The following OLFM3 variants were observed in gnomAD, a reference collection of about 807,000 sequenced individuals.
OLFM3 encodes the protein noelin-3.
In OLFM3, 20 loss-of-function variants were observed where a neutral mutation model predicts 48.6. The observed-to-expected ratio is 0.41, with a 90% CI of 0.29 to 0.60. The LOEUF (loss-of-function observed/expected upper bound fraction) is 0.60, where lower values mean the gene tolerates loss of function less well. OLFM3 is among the 20% of genes least tolerant of loss of function. The probability of loss-of-function intolerance (pLI) is 0.28; values close to 1 mark genes in which losing one functional copy is unlikely to be tolerated. For missense variants in OLFM3, 437 were observed against 544.3 expected, an observed-to-expected ratio of 0.80 and a Z score of 1.96; for synonymous variants, 222 against 198.1, an observed-to-expected ratio of 1.12 and a Z score of -1.01.
At chr1:101,813,102 C>A in intron 4 of OLFM3, 1 of 1,289,920 alleles carries the variant, frequency 7.8e-7, no homozygotes. Flanking sequence ...TATGCTTCTC[C>A]TTTCTGTTGC....
intron 1 of OLFM3, among the ~76,000 whole-genome samples, chr1:101,979,852 A>G (rs1661057394): frequency 6.6e-6 from 1 of 152,348 alleles, no homozygotes; most frequent in Non-Finnish European, 1.5e-5. Context: ...CAGGCACTCA[A>G]TGCCAGCCCA....
At chr1:101,871,850 G>C (rs987820781) in intron 1 of OLFM3, among the ~76,000 whole-genome samples, 4 of 151,998 alleles carry the variant, frequency 2.6e-5, no homozygotes, top group African/African-American at 9.7e-5. Context: ...TAAAACATAT[G>C]TATTTTAGCT....
chr1:101,887,947 T>C (rs140386245), intron 1 of OLFM3, among the ~76,000 whole-genome samples: 33 of 152,258 alleles, frequency 2.2e-4, no homozygotes, highest in African/African-American at 7.9e-4. Flanking sequence ...TCAAATTGTG[T>C]AGTATTATAG....
chr1:101,944,400 A>G (rs530689748), intron 1 of OLFM3, among the ~76,000 whole-genome samples: 1 of 152,300 alleles, frequency 6.6e-6, no homozygotes, highest in Non-Finnish European at 1.5e-5. Flanking sequence ...GGAAAGATAA[A>G]GGAAAGAGCC....
At chr1:101,855,288 T>C (rs1656370701) in intron 1 of OLFM3, among the ~76,000 whole-genome samples, 1 of 152,050 alleles carries the variant, frequency 6.6e-6, no homozygotes, top group Non-Finnish European at 1.5e-5. Flanking sequence ...GTAGTATTGC[T>C]ATCGTAACCA....
chr1:101,886,386 A>G (rs1323929663), intron 1 of OLFM3, among the ~76,000 whole-genome samples: 2 of 152,112 alleles, frequency 1.3e-5, no homozygotes, highest in Non-Finnish European at 2.9e-5. Flanking sequence ...GATACATAAA[A>G]GTCTTGGGAA....
rs567746593 is a variant in OLFM3 at position 101,820,758 on chromosome 1, T to A, written c.592+4268A>T. On this transcript the variant is annotated intron_variant, in intron 4 of 5. Transcript: ENST00000370103. ...AAGACTAGCTTGGTTTTTAGCATCT[T>A]AAAATTCATGTGATGTATGCTGTGA... Among the ~76,000 whole-genome samples the A allele has an allele frequency of 3.9e-5, 6 of 152,236 alleles. No homozygotes were observed. The South Asian group carries it at 1.0e-3, about 26-fold the overall frequency.
chr1:101,869,570 T>C (rs1656992806), intron 1 of OLFM3, among the ~76,000 whole-genome samples: 1 of 152,112 alleles, frequency 6.6e-6, no homozygotes, highest in Non-Finnish European at 1.5e-5. Flanking sequence ...GGGGGAACCA[T>C]TGGGAAGGCA....
chr1:101,850,853 A>G (rs1394682287), intron 1 of OLFM3, among the ~76,000 whole-genome samples: 1 of 152,110 alleles, frequency 6.6e-6, no homozygotes, highest in Non-Finnish European at 1.5e-5. Flanking sequence ...CAGAGGGGAA[A>G]GTGGCTTATT....
intron 1 of OLFM3, among the ~76,000 whole-genome samples, chr1:101,913,618 G>C (rs528565582): frequency 2.0e-5 from 3 of 150,894 alleles, no homozygotes; most frequent in African/African-American, 7.3e-5. Context: ...GATAATGTCA[G>C]AATGATCATT....
intron 1 of OLFM3, among the ~76,000 whole-genome samples, chr1:101,850,989 CTGAT>C (rs1656201599): frequency 6.6e-6 from 1 of 151,888 alleles, no homozygotes; most frequent in East Asian, 1.9e-4. Context: ...ACTGTATTGA[CTGAT>C]TAAACCAGAG....
intron 1 of OLFM3, among the ~76,000 whole-genome samples, chr1:101,890,232 G>A (rs1657936995): frequency 6.6e-6 from 1 of 151,988 alleles, no homozygotes; most frequent in African/African-American, 2.4e-5. Context: ...AGCTTTTAAT[G>A]ATCTTGGAAA....
intron 1 of OLFM3, among the ~76,000 whole-genome samples, chr1:101,908,165 C>A (rs1658616318): frequency 6.6e-6 from 1 of 152,064 alleles, no homozygotes; most frequent in African/African-American, 2.4e-5. Context: ...AACTTTTTAT[C>A]CTTATTTTAC....
intron 1 of OLFM3, among the ~76,000 whole-genome samples, chr1:101,897,762 A>G (rs17432246): frequency 0.21 from 32,395 of 152,128 alleles, 3,792 homozygotes; most frequent in Middle Eastern, 0.27. Context: ...TTAATCTGGG[A>G]TACATTGCTG....
chr1:101,925,718 G>A (rs1387340629), intron 1 of OLFM3, among the ~76,000 whole-genome samples: 1 of 151,386 alleles, frequency 6.6e-6, no homozygotes, highest in East Asian at 1.9e-4. Context: ...TGGTAGAGAA[G>A]GGGTTTCTGT....
chr1:101,971,526 G>C (rs1335633218), intron 1 of OLFM3, among the ~76,000 whole-genome samples: 2 of 152,136 alleles, frequency 1.3e-5, no homozygotes, highest in African/African-American at 4.8e-5. Context: ...TGATGGCAAG[G>C]CTACATTTTT....
At chr1:101,902,985 G>T (rs1364460952) in intron 1 of OLFM3, among the ~76,000 whole-genome samples, 2 of 152,052 alleles carry the variant, frequency 1.3e-5, no homozygotes, top group African/African-American at 4.8e-5. Flanking sequence ...AAGGATAAAA[G>T]GGATTTTTCC....
chr1:101,939,748 C>A (rs1659730041), intron 1 of OLFM3, among the ~76,000 whole-genome samples: 1 of 152,078 alleles, frequency 6.6e-6, no homozygotes. Context: ...ATATGGGCTA[C>A]CTTCAGAGGA....
At chr1:101,842,739 GC>G (rs1274687775) in intron 1 of OLFM3, among the ~76,000 whole-genome samples, 2 of 152,100 alleles carry the variant, frequency 1.3e-5, no homozygotes, top group Non-Finnish European at 2.9e-5. Flanking sequence ...TTTACAGGCA[GC>G]CCCCTCCACT....
Sources: allele counts gnomAD v4.1 joint callset (sites outside exome capture counted in the v4.1 genomes callset), GRCh38; gene constraint gnomAD v4.1.1; transcripts MANE v1.5; gene names NCBI Gene and HGNC (gene_info 2026-07-23, HGNC 2026-07-21).